The following RANBP2 variants were observed in gnomAD, a reference collection of about 807,000 sequenced individuals.
The protein encoded by RANBP2 is E3 SUMO-protein ligase RanBP2.
A neutral mutation model predicts 303.6 loss-of-function variants in RANBP2; 57 were observed. The ratio of observed to expected loss-of-function variants is 0.19; its 90% confidence interval spans 0.15 to 0.23. The LOEUF (loss-of-function observed/expected upper bound fraction) is 0.23. RANBP2 is among the 10% of genes least tolerant of loss of function. The pLI is 1.00. For missense variants in RANBP2, 3,138 were observed against 3,780.8 expected, an observed-to-expected ratio of 0.83 and a Z score of 4.46; for synonymous variants, 1,167 against 1,301.5, an observed-to-expected ratio of 0.90 and a Z score of 2.23.
chr2:109,522,635 A>ACAG, the RANBP2 span, among the ~76,000 whole-genome samples: 12 of 151,008 alleles, frequency 7.9e-5, no homozygotes, highest in African/African-American at 2.9e-4. Flanking sequence ...CAAACTCCTG[A>ACAG]GCTCAAGCAA....
the RANBP2 span, chr2:109,436,824 G>T: frequency 6.4e-7 from 1 of 1,551,704 alleles, no homozygotes; most frequent in Non-Finnish European, 8.7e-7. Context: ...GCGAGGCTCT[G>T]CCAGAGGCCC....
the RANBP2 span, among the ~76,000 whole-genome samples, chr2:109,670,059 C>T: frequency 7.9e-5 from 12 of 152,198 alleles, no homozygotes; most frequent in African/African-American, 2.9e-4. Context: ...ATGCCACAGG[C>T]TACAGCCTCC....
chr2:109,170,759 A>G, the RANBP2 span, among the ~76,000 whole-genome samples: 19 of 152,238 alleles, frequency 1.2e-4, no homozygotes, highest in Non-Finnish European at 2.8e-4. Context: ...CTGGGGCTCA[A>G]GGGGTGCGGA....
chr2:109,447,200 A>G, the RANBP2 span, among the ~76,000 whole-genome samples: 1 of 151,858 alleles, frequency 6.6e-6, no homozygotes, highest in Middle Eastern at 3.2e-3. Flanking sequence ...ACAGAAAAAA[A>G]AAACCCACAT....
the RANBP2 span, among the ~76,000 whole-genome samples, chr2:109,413,554 G>T: frequency 6.6e-6 from 1 of 152,080 alleles, no homozygotes; most frequent in Non-Finnish European, 1.5e-5. Flanking sequence ...GTGTCTTCCT[G>T]TCTGTCTCTC....
At chr2:109,064,233 G>A in the RANBP2 span, among the ~76,000 whole-genome samples, 1 of 152,050 alleles carries the variant, frequency 6.6e-6, no homozygotes, top group Non-Finnish European at 1.5e-5. Context: ...ACTTTGGGAT[G>A]CCGAGGTGGG....
At chr2:109,174,054 T>C in the RANBP2 span, among the ~76,000 whole-genome samples, 5 of 152,228 alleles carry the variant, frequency 3.3e-5, no homozygotes, top group African/African-American at 1.2e-4. Context: ...GTTTGGTGGC[T>C]GCTCCCACAG....
chr2:109,189,095 T>G, the RANBP2 span, among the ~76,000 whole-genome samples: 4 of 152,224 alleles, frequency 2.6e-5, no homozygotes, highest in East Asian at 7.7e-4. Context: ...AGCCACTCTC[T>G]GAGAGAGATG....
chr2:109,455,301 T>C, the RANBP2 span, among the ~76,000 whole-genome samples: 7 of 152,266 alleles, frequency 4.6e-5, no homozygotes, highest in African/African-American at 1.2e-4. Flanking sequence ...TGGGTCCACA[T>C]TGGACCCAGC....
the RANBP2 span, among the ~76,000 whole-genome samples, chr2:109,107,010 T>G: frequency 1.4e-5 from 2 of 146,766 alleles, no homozygotes; most frequent in Non-Finnish European, 3.0e-5. Context: ...CAATCTCGGC[T>G]CACTGCAACC....
chr2:109,131,832 T>G, the RANBP2 span, among the ~76,000 whole-genome samples: 2 of 152,176 alleles, frequency 1.3e-5, no homozygotes, highest in Non-Finnish European at 2.9e-5. Context: ...ACTTTTTGTG[T>G]TTTTGGGATG....
At chr2:109,551,349 C>A in the RANBP2 span, among the ~76,000 whole-genome samples, 1 of 152,176 alleles carries the variant, frequency 6.6e-6, no homozygotes, top group East Asian at 1.9e-4. Context: ...TGAGTGGTAT[C>A]TTTTTATTAG....
At chr2:109,011,341 C>G in the RANBP2 span, among the ~76,000 whole-genome samples, 1 of 152,140 alleles carries the variant, frequency 6.6e-6, no homozygotes, top group East Asian at 1.9e-4. Flanking sequence ...TTTGGATGGG[C>G]ATAAAATTCT....
chr2:108,742,336 G>A (rs1012064116), intron 7 of RANBP2, among the ~76,000 whole-genome samples: 6 of 148,858 alleles, frequency 4.0e-5, no homozygotes, highest in South Asian at 2.2e-4. Flanking sequence ...ACGGAGTCTC[G>A]CTCTGTCACC....
chr2:109,318,500 A>G, the RANBP2 span, among the ~76,000 whole-genome samples: 2 of 152,190 alleles, frequency 1.3e-5, no homozygotes, highest in South Asian at 2.1e-4. Context: ...TCATAGCACA[A>G]TCATTTTGGC....
intron 12 of RANBP2, 133 bp downstream of exon 12, chr2:108,752,127 T>C (rs1200444649): frequency 2.0e-6 from 3 of 1,526,100 alleles, no homozygotes; most frequent in Non-Finnish European, 2.6e-6. Context: ...TTTTTATTGC[T>C]GCAAAATAGT....
chr2:109,608,059 T>C, the RANBP2 span, among the ~76,000 whole-genome samples: 4 of 152,248 alleles, frequency 2.6e-5, no homozygotes, highest in Non-Finnish European at 2.9e-5. Flanking sequence ...ACATTTCTCA[T>C]CTATACACAT....
the RANBP2 span, chr2:109,371,781 AAG>A: frequency 1.0e-6 from 1 of 979,456 alleles, no homozygotes; most frequent in Non-Finnish European, 1.6e-6. Context: ...CTAAGAGAGA[AAG>A]AGGATCCTCC....
the RANBP2 span, among the ~76,000 whole-genome samples, chr2:109,744,307 A>C: frequency 2.2e-5 from 2 of 90,748 alleles, no homozygotes; most frequent in South Asian, 8.5e-4. Context: ...AATAATAGCC[A>C]TTCTTACTAG....
Sources: allele counts gnomAD v4.1 joint callset (sites outside exome capture counted in the v4.1 genomes callset), GRCh38; gene constraint gnomAD v4.1.1; transcripts MANE v1.5; gene names NCBI Gene and HGNC (gene_info 2026-07-23, HGNC 2026-07-21).